The following JAZF1 variants were observed in gnomAD, a reference collection of about 807,000 sequenced individuals.
JAZF1 encodes the protein JAZF zinc finger 1.
In JAZF1, 8 loss-of-function variants were observed where a neutral mutation model predicts 26.4. The observed-to-expected ratio is 0.30, with a 90% CI of 0.18 to 0.55. JAZF1 has a LOEUF of 0.55. Among genes scored for constraint, JAZF1 ranks in the 20% least tolerant of loss-of-function variants. The pLI is 0.94. For missense variants in JAZF1, 199 were observed against 322.0 expected, an observed-to-expected ratio of 0.62 and a Z score of 2.92; for synonymous variants, 126 against 122.3, an observed-to-expected ratio of 1.03 and a Z score of -0.20.
chr7:27,966,540 C>T (rs957164391), intron 2 of JAZF1, among the ~76,000 whole-genome samples: 4 of 152,064 alleles, frequency 2.6e-5, no homozygotes, highest in South Asian at 2.1e-4. Context: ...AAGGGAAGGG[C>T]ACTGATGGTG....
At position 28,180,775 on chromosome 7, in the gene JAZF1, A is replaced by C; in HGVS notation, c.-198T>G. The stretch of plus-strand genomic sequence containing the variant: ...AGAGCGAGGAGCCACCGGGAGGCAG[A>C]GGGGAGGCGGCGGCTGCGGCGGCGG... On this transcript the variant is annotated 5_prime_UTR_variant, in exon 1 of 5. Coordinates refer to ENST00000283928, the MANE Select transcript of JAZF1 (RefSeq NM_175061.4). The C allele has an allele frequency of 9.4e-6, 1 of 106,784 alleles. No individual in the cohort carries two copies. Among genetic ancestry groups the C allele is most frequent in the Non-Finnish European group, 1.8e-5 (1 of 54,294 alleles). 6.6% of individuals were successfully genotyped at this position (106,784 alleles called of 1,614,324 possible). A position where few individuals can be genotyped will look rare whatever the true frequency, so the allele number is the denominator to read the frequency against.
chr7:28,125,244 G>A (rs1447529616), intron 1 of JAZF1, among the ~76,000 whole-genome samples: 2 of 150,034 alleles, frequency 1.3e-5, no homozygotes, highest in East Asian at 3.9e-4. Context: ...ATGATTAACA[G>A]TTAAAATTCA....
intron 1 of JAZF1, among the ~76,000 whole-genome samples, chr7:28,157,525 A>C (rs1214606861): frequency 2.0e-5 from 3 of 152,216 alleles, no homozygotes; most frequent in Non-Finnish European, 4.4e-5. Context: ...AAAAATGTAA[A>C]AGCTATTCTT....
chr7:27,957,252 G>A (rs1263048016), intron 2 of JAZF1, among the ~76,000 whole-genome samples: 2 of 152,156 alleles, frequency 1.3e-5, no homozygotes, highest in African/African-American at 4.8e-5. Context: ...TAGCTTTTGT[G>A]TCCTAGATAT....
chr7:28,123,953 T>C (rs1464444035), intron 1 of JAZF1, among the ~76,000 whole-genome samples: 1 of 152,190 alleles, frequency 6.6e-6, no homozygotes, highest in Non-Finnish European at 1.5e-5. Context: ...CTGTTTTGAC[T>C]GCTGAGAAAG....
At chr7:28,174,904 T>C (rs1783527373) in intron 1 of JAZF1, among the ~76,000 whole-genome samples, 1 of 121,366 alleles carries the variant, frequency 8.2e-6, no homozygotes, top group African/African-American at 2.6e-5. Flanking sequence ...TCGGGAACCC[T>C]GGGAGTAACA....
chr7:27,915,419 A>T (rs1372709598), intron 2 of JAZF1, among the ~76,000 whole-genome samples: 1 of 152,220 alleles, frequency 6.6e-6, no homozygotes, highest in East Asian at 1.9e-4. Flanking sequence ...CTCACTGGTA[A>T]CAATAGATCT....
intron 3 of JAZF1, chr7:27,863,871 A>C (rs926560720): frequency 6.6e-6 from 1 of 152,184 alleles, no homozygotes; most frequent in Non-Finnish European, 1.5e-5. Context: ...AGCAAATGAA[A>C]CGCCTAAGTT....
At chr7:28,124,714 A>C (rs762455046) in intron 1 of JAZF1, among the ~76,000 whole-genome samples, 1 of 152,176 alleles carries the variant, frequency 6.6e-6, no homozygotes, top group South Asian at 2.1e-4. Context: ...TCACCATTCT[A>C]ACTAAGTTAA....
At chr7:28,062,553 G>A (rs1004951165) in intron 1 of JAZF1, among the ~76,000 whole-genome samples, 2 of 135,904 alleles carry the variant, frequency 1.5e-5, no homozygotes, top group African/African-American at 6.3e-5. Flanking sequence ...TGTGCCCACC[G>A]TGATACTCCA....
chr7:28,071,783 AG>A (rs1188634278), intron 1 of JAZF1: 4 of 379,122 alleles, frequency 1.1e-5, no homozygotes, highest in African/African-American at 8.5e-5. Flanking sequence ...TTTGCAGAGG[AG>A]GAAGCTGCTT....
intron 2 of JAZF1, among the ~76,000 whole-genome samples, chr7:27,963,687 G>A (rs908277802): frequency 2.0e-5 from 3 of 149,258 alleles, no homozygotes; most frequent in Non-Finnish European, 4.4e-5. Context: ...TCAGCCTCCC[G>A]AGTAGCTGAG....
At position 27,831,861 on chromosome 7, in the gene JAZF1, G is replaced by A. The variant is rs763831692; in HGVS notation, c.*939C>T. ...GGCAACACATAAACATTAAATTGTT[G>A]GCAATAGAGAACTACAAAGTGCTTT... On this transcript the variant is annotated 3_prime_UTR_variant, in exon 5 of 5. Coordinates refer to ENST00000283928, the MANE Select transcript of JAZF1 (RefSeq NM_175061.4). 4.6e-6 allele frequency: 1 copy of A among 218,856 alleles called. No homozygotes were observed. The highest frequency in any genetic ancestry group is 9.2e-6 in the Non-Finnish European group (1 of 108,852). The allele number at this position is 218,856 out of a possible 1,614,324, so 13.6% of individuals were successfully genotyped here.
At chr7:27,924,139 C>T (rs979936624) in intron 2 of JAZF1, among the ~76,000 whole-genome samples, 5 of 152,136 alleles carry the variant, frequency 3.3e-5, no homozygotes, top group Admixed American at 2.6e-4. Context: ...AGTGCAGTGG[C>T]GCCATCTCGG....
intron 1 of JAZF1, among the ~76,000 whole-genome samples, chr7:28,080,805 T>C (rs1784123631): frequency 6.6e-6 from 1 of 151,990 alleles, no homozygotes. Context: ...AGATGACCGA[T>C]CACAGATCAC....
chr7:28,150,463 C>T (rs1783094856), intron 1 of JAZF1, among the ~76,000 whole-genome samples: 1 of 152,216 alleles, frequency 6.6e-6, no homozygotes, highest in Admixed American at 6.5e-5. Flanking sequence ...TGCACACATT[C>T]ATCAAAAGGC....
chr7:27,860,493 C>T (rs1420526599), intron 3 of JAZF1, among the ~76,000 whole-genome samples: 1 of 152,184 alleles, frequency 6.6e-6, no homozygotes, highest in Non-Finnish European at 1.5e-5. Context: ...CATCTTCATC[C>T]TCCTCCTCAT....
chr7:28,044,139 C>T lies in JAZF1; in HGVS notation c.116-52158G>A, dbSNP rs897998343. Among the ~76,000 whole-genome samples the T allele has an allele frequency of 7.9e-5, 12 of 152,222 alleles. No homozygotes were observed. The East Asian group carries it at 9.7e-4, about 12-fold the overall frequency. ...TAAAATGTTTAAATGGTGAATAGTA[C>T]GCTATGTGAACTTCACCTCTACTAA... On this transcript the variant is annotated intron_variant, in intron 1 of 4. Transcript: ENST00000283928.
intron 3 of JAZF1, among the ~76,000 whole-genome samples, chr7:27,852,130 C>CTTTTTTTT (rs113021262): frequency 8.0e-6 from 1 of 125,256 alleles, no homozygotes. Flanking sequence ...ATAAACAGGA[C>CTTTTTTTT]TTTTTTTTTT....
Sources: allele counts gnomAD v4.1 joint callset (sites outside exome capture counted in the v4.1 genomes callset), GRCh38; gene constraint gnomAD v4.1.1; transcripts MANE v1.5; gene names NCBI Gene and HGNC (gene_info 2026-07-23, HGNC 2026-07-21).